Variants in HSD3B7 observed in about 807,000 individuals in gnomAD.
The protein encoded by HSD3B7 is hydroxy-delta-5-steroid dehydrogenase, 3 beta- and steroid delta-isomerase 7.
HSD3B7 carries 35 observed loss-of-function variants against 34.3 expected under a neutral mutation model. The observed-to-expected ratio is 1.02, with a 90% CI of 0.78 to 1.35. The LOEUF (loss-of-function observed/expected upper bound fraction) is 1.35. Among genes scored for constraint, HSD3B7 ranks in the 40% most tolerant of loss-of-function variants. The pLI, the probability that HSD3B7 is intolerant of heterozygous loss-of-function variation, is 0.00. For missense variants in HSD3B7, 426 were observed against 504.7 expected, an observed-to-expected ratio of 0.84 and a Z score of 1.49; for synonymous variants, 217 against 220.1, an observed-to-expected ratio of 0.99 and a Z score of 0.13.
Position 30,986,130 on chromosome 16 carries a change from T to A in HSD3B7, c.248T>A (p.Val83Asp). Residue 83 changes from valine (V) to aspartate (D), a missense_variant, in exon 3 of 7, where the codon GTC becomes GAC. By Grantham distance (152) the Val-to-Asp change is radical. Transcript: ENST00000297679. ...VAAAVAGAHVVIHTAGLVDVF... is the reference protein window; with the variant it reads ...VAAAVAGAHVDIHTAGLVDVF... The stretch of plus-strand genomic sequence containing the variant: ...GCAGCTGTGGCCGGAGCCCATGTGG[T>A]CATCCACACGGCTGGGCTGGTAGAC... The A allele has an allele frequency of 1.2e-6, 2 of 1,613,990 alleles. No individual in the cohort carries two copies. The highest frequency in any genetic ancestry group is 1.7e-6 in the Non-Finnish European group (2 of 1,180,000).
In HSD3B7 at chr16:30,985,710, T is replaced by C; in HGVS notation, c.52T>C (p.Cys18Arg). ...GCTGGTGTACCTGGTCACAGGGGGC[T>C]GTGGCTTCCTGGGAGAGCACGTGGT... The part of the protein sequence containing the change: ...QKLVYLVTGG[C>R]GFLGEHVVRM... Residue 18 changes from cysteine to arginine, a missense_variant, in exon 2 of 7, where the codon TGT becomes CGT. Coordinates refer to ENST00000297679, the MANE Select transcript of HSD3B7 (RefSeq NM_025193.4). The C allele has an allele frequency of 6.2e-7, 1 of 1,608,848 alleles. No homozygotes were observed.
chr16:30,988,468 G>A lies in HSD3B7; in HGVS notation c.*285G>A. 2.4e-6 allele frequency: 1 copy of A among 411,830 alleles called. No homozygotes were observed. The highest frequency in any genetic ancestry group is 3.3e-5 in the South Asian group (1 of 30,046). The allele number at this position is 411,830 out of a possible 1,614,324, so 25.5% of individuals were successfully genotyped here. A position where few individuals can be genotyped will look rare whatever the true frequency, so the allele number is the denominator to read the frequency against. Reference sequence around the variant, plus strand: ...CTGCCTCAGCCTCCTGAACAGCTGGGACCACAGGTGCACGCCACCACACCT... The same window carrying A: ...CTGCCTCAGCCTCCTGAACAGCTGGAACCACAGGTGCACGCCACCACACCT... On this transcript the variant is annotated 3_prime_UTR_variant, in exon 7 of 7. Coordinates refer to ENST00000297679, the MANE Select transcript of HSD3B7 (RefSeq NM_025193.4).
rs372114914 is a variant in HSD3B7, at chr16:30,988,079, G to A, written c.1006G>A (p.Asp336Asn). The change falls in exon 7 of 7, where the codon GAC (aspartate) becomes AAC (asparagine). Residue 336 changes from aspartate to asparagine, a missense_variant. By Grantham distance (23) the Asp-to-Asn change is conservative. Coordinates refer to ENST00000297679, the MANE Select transcript of HSD3B7 (RefSeq NM_025193.4). ...CAACACCACCTTCACCGTCAGCACC[G>A]ACAAGGCTCAGCGCCATTTCGGCTA... ...VANTTFTVSTDKAQRHFGYEP... is the reference protein window; with the variant it reads ...VANTTFTVSTNKAQRHFGYEP... 1.0e-5 allele frequency: 16 copies of A among 1,606,258 alleles called. No homozygotes were observed. Among genetic ancestry groups the A allele is most frequent in the East Asian group, 2.2e-5 (1 of 44,870 alleles).
chr16:30,987,032 G>T (rs1361099270), intron 6 of HSD3B7, 30 bp downstream of exon 6: 2 of 1,596,404 alleles, frequency 1.3e-6, no homozygotes, highest in Middle Eastern at 1.7e-4. Context: ...GGGGGAGGCT[G>T]AGAATATGGC....
rs1596706581 is a variant in HSD3B7, at chr16:30,987,131, G to A, written c.694+129G>A. ...GCTAGAAAAATATGGTCTATACATG[G>A]GCCAAGGTAGACTGTGATTATGTCT... On this transcript the variant is annotated intron_variant, in intron 6 of 6. Transcript: ENST00000297679. The A allele has an allele frequency of 1.1e-5, 10 of 917,692 alleles. No homozygotes were observed. In the Admixed American group the frequency reaches 2.5e-4, roughly 23 times the overall value. 56.8% of individuals were successfully genotyped at this position (917,692 alleles called of 1,614,324 possible).
chr16:30,986,128 G>T lies in HSD3B7; in HGVS notation c.246G>T (p.Val82=). Residue 82 remains valine (V), a synonymous_variant, in exon 3 of 7, where the codon GTG becomes GTT. Coordinates refer to ENST00000297679, the MANE Select transcript of HSD3B7 (RefSeq NM_025193.4). ...CAGCAGCTGTGGCCGGAGCCCATGT[G>T]GTCATCCACACGGCTGGGCTGGTAG... ...EVAAAVAGAH[V]VIHTAGLVDV... 1 of 1,614,036 alleles carries T rather than the reference G, an allele frequency of 6.2e-7. No individual in the cohort carries two copies. Among genetic ancestry groups the T allele is most frequent in the Non-Finnish European group, 8.5e-7 (1 of 1,180,022 alleles).
At position 30,985,229 on chromosome 16, in the gene HSD3B7, C is replaced by A. The variant is rs1055216246; in HGVS notation, c.-75C>A. 3.7e-6 allele frequency: 4 copies of A among 1,089,218 alleles called. No individual in the cohort carries two copies. Among genetic ancestry groups the A allele is most frequent in the Admixed American group, 9.6e-5 (2 of 20,858 alleles). The allele number at this position is 1,089,218 out of a possible 1,614,324, so 67.5% of individuals were successfully genotyped here. On this transcript the variant is annotated 5_prime_UTR_variant, in exon 1 of 7. Coordinates refer to ENST00000297679, the MANE Select transcript of HSD3B7 (RefSeq NM_025193.4). ...GCCAGCGGAAGGACGGTGTGCGGGC[C>A]GGCCAGCCCTGGACGAAAGAAGAGG...
intron 6 of HSD3B7, 161 bp downstream of exon 6, chr16:30,987,163 C>T (rs2056493868): frequency 7.1e-6 from 5 of 702,244 alleles, no homozygotes; most frequent in Non-Finnish European, 1.2e-5. Context: ...GTCTCCACAG[C>T]CTGCAGAGAA....
chr16:30,985,409 AC>A, intron 1 of HSD3B7, 112 bp downstream of exon 1: 1 of 1,392,188 alleles, frequency 7.2e-7, no homozygotes, highest in Non-Finnish European at 9.3e-7. Flanking sequence ...CCACCCTTTT[AC>A]TGCCTTCAAA....
intron 3 of HSD3B7, 60 bp from the exon 4 acceptor site, chr16:30,986,363 G>T: frequency 1.3e-6 from 2 of 1,575,030 alleles, no homozygotes; most frequent in Non-Finnish European, 1.7e-6. Flanking sequence ...CTGGGATGGG[G>T]AGGAGGAAGA....
chr16:30,985,321 C>T, intron 1 of HSD3B7, 24 bp downstream of exon 1: 1 of 1,230,442 alleles, frequency 8.1e-7, no homozygotes, highest in Non-Finnish European at 1.0e-6. Flanking sequence ...CTGCCAGTGC[C>T]CAGGTGGCCT....
intron 3 of HSD3B7, 107 bp from the exon 4 acceptor site, chr16:30,986,316 C>T (rs1156925162): frequency 1.9e-6 from 3 of 1,547,062 alleles, no homozygotes; most frequent in South Asian, 1.2e-5. Context: ...ACAGCCCTGC[C>T]CCCGCCTCCC....
chr16:30,986,301 T>A, intron 3 of HSD3B7, 97 bp downstream of exon 3: 1 of 1,557,934 alleles, frequency 6.4e-7, no homozygotes, highest in African/African-American at 1.4e-5. Context: ...CAAGTTGTCC[T>A]ATTGACAGCC....
chr16:30,987,376 G>T, intron 6 of HSD3B7: 1 of 415,782 alleles, frequency 2.4e-6, no homozygotes, highest in Non-Finnish European at 4.5e-6. Flanking sequence ...GAGCCCAGGA[G>T]TTGGAGGCTG....
At position 30,988,370 on chromosome 16, in the gene HSD3B7, T is replaced by G; in HGVS notation, c.*187T>G. 1.6e-6 allele frequency: 1 copy of G among 612,148 alleles called. No individual in the cohort carries two copies. The highest frequency in any genetic ancestry group is 2.9e-6 in the Non-Finnish European group (1 of 350,496). The allele number at this position is 612,148 out of a possible 1,614,324, so 37.9% of individuals were successfully genotyped here. A position where few individuals can be genotyped will look rare whatever the true frequency, so the allele number is the denominator to read the frequency against. ...TTTTTTGAGACAGGGTCTTGCTCTG[T>G]CACCCAGACTGGAGTGCAGTGGTGT... On this transcript the variant is annotated 3_prime_UTR_variant, in exon 7 of 7. Coordinates refer to ENST00000297679, the MANE Select transcript of HSD3B7 (RefSeq NM_025193.4).
chr16:30,987,063 G>T, intron 6 of HSD3B7, 61 bp downstream of exon 6: 1 of 1,550,060 alleles, frequency 6.5e-7, no homozygotes, highest in Non-Finnish European at 8.7e-7. Flanking sequence ...GCTCTAGAAG[G>T]GGGCAGGACC....
chr16:30,987,914 C>T lies in HSD3B7; in HGVS notation c.841C>T (p.Leu281=). ...CATGGAGTTCCTGGGCCCCTGCGGA[C>T]TGCGGCTGGTGGGCGCCCGCCCATT... ...FNMEFLGPCG[L]RLVGARPLLP... Residue 281 remains leucine, a synonymous_variant, in exon 7 of 7, where the codon CTG becomes TTG. Coordinates refer to ENST00000297679, the MANE Select transcript of HSD3B7 (RefSeq NM_025193.4). 1 of 1,613,916 alleles carries T rather than the reference C, an allele frequency of 6.2e-7. No homozygotes were observed. Among genetic ancestry groups the T allele is most frequent in the Non-Finnish European group, 8.5e-7 (1 of 1,179,998 alleles).
At chr16:30,985,566 G>A (rs1028447040) in intron 1 of HSD3B7, 87 bp from the exon 2 acceptor site, 19 of 1,535,670 alleles carry the variant, frequency 1.2e-5, no homozygotes, top group Middle Eastern at 2.3e-4. Flanking sequence ...CGCCAGCCTC[G>A]TCACCGCTCC....
At position 30,988,162 on chromosome 16, in the gene HSD3B7, C is replaced by T. The variant is rs151000245; in HGVS notation, c.1089C>T (p.Ala363=). Residue 363 remains alanine, a synonymous_variant, in exon 7 of 7, where the codon GCC becomes GCT. Coordinates refer to ENST00000297679, the MANE Select transcript of HSD3B7 (RefSeq NM_025193.4). ...SRTRTILWVQ[A]ATGSAQ ...CCCGTACCATTCTCTGGGTACAGGCCGCTACGGGTTCAGCCCAGTGACGGT... is the reference window on the plus strand; with the variant it reads ...CCCGTACCATTCTCTGGGTACAGGCTGCTACGGGTTCAGCCCAGTGACGGT... 1.8e-5 allele frequency: 29 copies of T among 1,603,002 alleles called. No individual in the cohort carries two copies. Among genetic ancestry groups the T allele is most frequent in the East Asian group, 2.2e-5 (1 of 44,704 alleles).
Sources: allele counts gnomAD v4.1 joint callset, GRCh38; gene constraint gnomAD v4.1.1; transcripts MANE v1.5; gene names NCBI Gene and HGNC (gene_info 2026-07-23, HGNC 2026-07-21).